Variants in MTPN observed in about 807,000 individuals in gnomAD.
MTPN encodes the protein granule cell differentiation protein.
MTPN carries 2 observed loss-of-function variants against 13.5 expected under a neutral mutation model. That is an observed-to-expected ratio of 0.15 (90% confidence interval 0.06 to 0.47). The LOEUF is 0.47. Among genes scored for constraint, MTPN ranks in the 20% least tolerant of loss-of-function variants. The pLI is 0.97. For missense variants in MTPN, 79 were observed against 137.9 expected, an observed-to-expected ratio of 0.57 and a Z score of 2.14; for synonymous variants, 46 against 51.7, an observed-to-expected ratio of 0.89 and a Z score of 0.48.
intron 3 of MTPN, chr7:135,932,381 T>G (rs1282314331): frequency 5.3e-5 from 8 of 152,086 alleles, no homozygotes; most frequent in Admixed American, 5.2e-4. Flanking sequence ...ATTCTGCAAC[T>G]AGGCCAGTCA....
intron 1 of MTPN, among the ~76,000 whole-genome samples, chr7:135,965,157 T>C (rs1414337153): frequency 6.6e-6 from 1 of 152,154 alleles, no homozygotes; most frequent in Non-Finnish European, 1.5e-5. Context: ...CTAAGATCTA[T>C]ACAGACAATA....
At chr7:135,950,376 T>C (rs1799348399) in intron 3 of MTPN, among the ~76,000 whole-genome samples, 1 of 152,170 alleles carries the variant, frequency 6.6e-6, no homozygotes. Context: ...AATATTTTCT[T>C]GACAAAGAAG....
rs1584825355 is a variant in MTPN, at chr7:135,977,339, G to A, written c.-239C>T. ...CAGAGAGGTTCCGCCTGGCCGAGGA[G>A]AGGCAGGAACCTTTACACTTCCGGT... On this transcript the variant is annotated 5_prime_UTR_variant, in exon 1 of 4. Coordinates refer to ENST00000393085, the MANE Select transcript of MTPN (RefSeq NM_145808.4). 1.8e-5 allele frequency: 10 copies of A among 565,536 alleles called. No individual in the cohort carries two copies. In the East Asian group the frequency reaches 2.4e-4, roughly 14 times the overall value. 35.0% of individuals were successfully genotyped at this position (565,536 alleles called of 1,614,324 possible).
chr7:135,933,752 T>A lies in MTPN; in HGVS notation c.271-3740A>T, dbSNP rs186024695. Among the ~76,000 whole-genome samples, 9 of 152,282 alleles carry A rather than the reference T, an allele frequency of 5.9e-5. No homozygotes were observed. In the East Asian group the frequency reaches 1.5e-3, roughly 26 times the overall value. On this transcript the variant is annotated intron_variant, in intron 3 of 3. Coordinates refer to ENST00000393085, the MANE Select transcript of MTPN (RefSeq NM_145808.4). ...TTCCCCAGTCCCACAAACTAATGAA[T>A]TAAAATGGTTTGGCTCTGTGTCCCC...
At chr7:135,961,436 T>G (rs930817933) in intron 1 of MTPN, among the ~76,000 whole-genome samples, 1 of 152,108 alleles carries the variant, frequency 6.6e-6, no homozygotes, top group Admixed American at 6.6e-5. Flanking sequence ...CTCATATTTG[T>G]GGCTTCCTTA....
At chr7:135,942,040 C>T (rs59706649) in intron 3 of MTPN, among the ~76,000 whole-genome samples, 12,001 of 151,842 alleles carry the variant, frequency 0.079, 536 homozygotes, top group South Asian at 0.15. Flanking sequence ...CCTGCCACCA[C>T]GCCCGGCTAA....
At chr7:135,957,318 A>C (rs752773961) in intron 1 of MTPN, among the ~76,000 whole-genome samples, 2 of 152,132 alleles carry the variant, frequency 1.3e-5, no homozygotes, top group African/African-American at 2.4e-5. Context: ...GGATGGGTTG[A>C]CTTCTGGTGC....
intron 1 of MTPN, among the ~76,000 whole-genome samples, chr7:135,971,205 A>T (rs1216087424): frequency 6.6e-6 from 1 of 152,194 alleles, no homozygotes; most frequent in Non-Finnish European, 1.5e-5. Flanking sequence ...AAAGGAAACC[A>T]CAGAGAAAGG....
intron 1 of MTPN, among the ~76,000 whole-genome samples, chr7:135,967,470 G>C (rs1799622977): frequency 6.6e-6 from 1 of 152,142 alleles, no homozygotes; most frequent in Non-Finnish European, 1.5e-5. Flanking sequence ...TGGTGTAGCG[G>C]AAAACCAACC....
rs1379522835 is a variant in MTPN, at chr7:135,927,523, A to G, written c.*2403T>C. The G allele has an allele frequency of 3.0e-6, 3 of 999,880 alleles. No individual in the cohort carries two copies. Among genetic ancestry groups the G allele is most frequent in the Non-Finnish European group, 4.5e-6 (3 of 668,764 alleles). 61.9% of individuals were successfully genotyped at this position (999,880 alleles called of 1,614,324 possible). ...CTTCAGTGGAGAACAAAACTTACTT[A>G]ACCTTTCGCTAATGCATGTAGTACC... On this transcript the variant is annotated 3_prime_UTR_variant, in exon 4 of 4. Coordinates refer to ENST00000393085, the MANE Select transcript of MTPN (RefSeq NM_145808.4).
chr7:135,950,666 T>C lies in MTPN; in HGVS notation c.203A>G (p.His68Arg), dbSNP rs1181805455. 5 of 1,610,644 alleles carry C rather than the reference T, an allele frequency of 3.1e-6. No individual in the cohort carries two copies. In the Admixed American group the frequency reaches 5.0e-5, roughly 16 times the overall value. ...GACAGCAGACAGAAGAGGAGTAATATGATGTTTATCTGGAGCCTATGAAAT... is the reference window on the plus strand; with the variant it reads ...GACAGCAGACAGAAGAGGAGTAATACGATGTTTATCTGGAGCCTATGAAAT... Reference protein sequence around the residue: ...GADINAPDKHHITPLLSAVYE... With the variant: ...GADINAPDKHRITPLLSAVYE... The change falls in exon 3 of 4, where the codon CAT becomes CGT. Residue 68 changes from histidine (H) to arginine (R), a missense_variant. By Grantham distance (29) the His-to-Arg change is conservative. Transcript: ENST00000393085.
chr7:135,971,795 T>G (rs1468382843), intron 1 of MTPN, among the ~76,000 whole-genome samples: 2 of 152,202 alleles, frequency 1.3e-5, no homozygotes. Context: ...TGAATAGAAA[T>G]CTCAATAATT....
At chr7:135,964,009 G>A (rs886341592) in intron 1 of MTPN, among the ~76,000 whole-genome samples, 1 of 146,926 alleles carries the variant, frequency 6.8e-6, no homozygotes, top group Non-Finnish European at 1.5e-5. Flanking sequence ...TTTATATAAA[G>A]AAAGACTATC....
Position 135,977,198 on chromosome 7 carries a change from G to A in MTPN, c.-98C>T. 2.4e-6 allele frequency: 3 copies of A among 1,238,264 alleles called. No homozygotes were observed. Among genetic ancestry groups the A allele is most frequent in the South Asian group, 1.2e-5 (1 of 83,272 alleles). 76.7% of individuals were successfully genotyped at this position (1,238,264 alleles called of 1,614,324 possible). A position where few individuals can be genotyped will look rare whatever the true frequency, so the allele number is the denominator to read the frequency against. On this transcript the variant is annotated 5_prime_UTR_variant, in exon 1 of 4. Coordinates refer to ENST00000393085, the MANE Select transcript of MTPN (RefSeq NM_145808.4). ...GGGCGAGAGGGAGGCAGGGCCGCGCGAAGCCGGAGAGGAGAAGAAGAGAAG... is the reference window on the plus strand; with the variant it reads ...GGGCGAGAGGGAGGCAGGGCCGCGCAAAGCCGGAGAGGAGAAGAAGAGAAG...
chr7:135,948,247 T>C (rs1189063686), intron 3 of MTPN, among the ~76,000 whole-genome samples: 2 of 152,154 alleles, frequency 1.3e-5, no homozygotes, highest in Non-Finnish European at 2.9e-5. Context: ...TAAAGAAGCT[T>C]ATGCAATAAT....
At chr7:135,934,362 T>G (rs1047159491) in intron 3 of MTPN, among the ~76,000 whole-genome samples, 14 of 152,226 alleles carry the variant, frequency 9.2e-5, no homozygotes, top group Admixed American at 5.2e-4. Flanking sequence ...CACCCATATG[T>G]CTGGAGCTGG....
At position 135,977,284 on chromosome 7, in the gene MTPN, A is replaced by G; in HGVS notation, c.-184T>C. The G allele has an allele frequency of 1.6e-6, 1 of 633,650 alleles. No homozygotes were observed. Among genetic ancestry groups the G allele is most frequent in the Non-Finnish European group, 2.8e-6 (1 of 358,838 alleles). The allele number at this position is 633,650 out of a possible 1,614,324, so 39.3% of individuals were successfully genotyped here. A position where few individuals can be genotyped will look rare whatever the true frequency, so the allele number is the denominator to read the frequency against. On this transcript the variant is annotated 5_prime_UTR_variant, in exon 1 of 4. Coordinates refer to ENST00000393085, the MANE Select transcript of MTPN (RefSeq NM_145808.4). ...CGCGGCGACCGTTCGGGCGGGAGAAAGAAAGTTCTTTTGCGGCCACCGGGC... is the reference window on the plus strand; with the variant it reads ...CGCGGCGACCGTTCGGGCGGGAGAAGGAAAGTTCTTTTGCGGCCACCGGGC...
At chr7:135,974,706 A>G (rs1799746178) in intron 1 of MTPN, among the ~76,000 whole-genome samples, 1 of 152,212 alleles carries the variant, frequency 6.6e-6, no homozygotes, top group Non-Finnish European at 1.5e-5. Flanking sequence ...GTGTTTCTTT[A>G]GTATTTTCTT....
intron 1 of MTPN, among the ~76,000 whole-genome samples, chr7:135,953,032 T>G (rs754529392): frequency 2.6e-5 from 4 of 152,158 alleles, no homozygotes; most frequent in Non-Finnish European, 5.9e-5. Flanking sequence ...AGCCATACCC[T>G]GAATCAAGAT....
Sources: gnomAD v4.1 joint callset for allele counts (sites outside exome capture counted in the v4.1 genomes callset) on GRCh38, gnomAD v4.1.1 for gene constraint, MANE v1.5 for transcripts, NCBI Gene and HGNC (gene_info 2026-07-23, HGNC 2026-07-21) for gene names.